NFATC2IP: variants seen among roughly 807,000 people sequenced by gnomAD.
The protein encoded by NFATC2IP is NFATC2-interacting protein.
NFATC2IP carries 25 observed loss-of-function variants against 40.2 expected under a neutral mutation model. The ratio of observed to expected loss-of-function variants is 0.62; its 90% confidence interval spans 0.45 to 0.87. The LOEUF is 0.87. NFATC2IP is among the 40% of genes least tolerant of loss of function. The pLI is 0.00. For synonymous variants in NFATC2IP, 241 were observed against 236.3 expected (o/e 1.02, Z -0.18); for missense variants, 553 against 555.6 (o/e 1.00, Z 0.05).
rs1310321236 is a variant in NFATC2IP, at chr16:28,951,372, C to A, written c.361C>A (p.Pro121Thr). ...RRLVLDPGEAPLVPVYSGKVK... is the reference protein window; with the variant it reads ...RRLVLDPGEATLVPVYSGKVK... ...GCTGGTGCTGGATCCGGGGGAGGCG[C>A]CGCTGGTTCCGGTGTACTCGGGGAA... The change falls in exon 1 of 8, where the codon CCG becomes ACG. Residue 121 changes from proline to threonine, a missense_variant. By Grantham distance (38) the Pro-to-Thr change is conservative. Transcript: ENST00000320805. The A allele has an allele frequency of 1.4e-6, 2 of 1,404,238 alleles. No individual in the cohort carries two copies. Among genetic ancestry groups the A allele is most frequent in the Non-Finnish European group, 1.8e-6 (2 of 1,081,212 alleles). The allele number at this position is 1,404,238 out of a possible 1,614,324, so 87.0% of individuals were successfully genotyped here.
Position 28,963,903 on chromosome 16 carries a change from G to C in NFATC2IP, c.*40G>C. 6.2e-7 allele frequency: 1 copy of C among 1,601,024 alleles called. No homozygotes were observed. The highest frequency in any genetic ancestry group is 1.1e-5 in the South Asian group (1 of 90,682). ...TTTGACGGCCCAGCCTGGACTTGGG[G>C]AGAATGACTTTCCCTTTTTTGCCCC... On this transcript the variant is annotated 3_prime_UTR_variant, in exon 8 of 8. Coordinates refer to ENST00000320805, the MANE Select transcript of NFATC2IP (RefSeq NM_032815.4).
intron 5 of NFATC2IP, among the ~76,000 whole-genome samples, chr16:28,958,209 G>A (rs540834548): frequency 1.3e-5 from 2 of 152,142 alleles, no homozygotes; most frequent in East Asian, 3.9e-4. Context: ...CTGTAGTTTG[G>A]GAGGCCGAGG....
Position 28,956,068 on chromosome 16 carries a change from G to A in NFATC2IP, c.659+10G>A. 1 of 1,613,900 alleles carries A rather than the reference G, an allele frequency of 6.2e-7. No homozygotes were observed. On this transcript the variant is annotated intron_variant, in intron 4 of 7. Transcript: ENST00000320805. ...CACTCAAGAAGTTAAGGTGCCAAGT[G>A]CAGGGGCTCTGGCTGGGATGGAAGA... is the stretch of plus-strand genomic sequence containing the variant.
In NFATC2IP at chr16:28,951,204, C is replaced by T. The variant is rs1281650418; in HGVS notation, c.193C>T (p.Arg65Cys). The change falls in exon 1 of 8, where the codon CGC becomes TGC. Residue 65 changes from arginine (R) to cysteine (C), a missense_variant. Transcript: ENST00000320805. Reference protein sequence around the residue: ...DEEILEVATARGAADEVEVEP... With the variant: ...DEEILEVATACGAADEVEVEP... Reference sequence around the variant, plus strand: ...GGAAATTCTGGAGGTCGCCACCGCTCGCGGTGCCGCGGACGAGGTTGAGGT... The same window carrying T: ...GGAAATTCTGGAGGTCGCCACCGCTTGCGGTGCCGCGGACGAGGTTGAGGT... The T allele has an allele frequency of 5.9e-6, 9 of 1,535,944 alleles. No homozygotes were observed. The highest frequency in any genetic ancestry group is 7.9e-6 in the Non-Finnish European group (9 of 1,139,036).
At chr16:28,954,708 C>T in intron 3 of NFATC2IP, 26 bp downstream of exon 3, 2 of 1,496,050 alleles carry the variant, frequency 1.3e-6, no homozygotes, top group Non-Finnish European at 1.9e-6. Context: ...GCCCTTGGGC[C>T]CTGGGAGCAG....
rs1965016845 is a variant in NFATC2IP, at chr16:28,955,987, C to A, written c.588C>A (p.Asp196Glu). Residue 196 changes from aspartate (D) to glutamate (E), a missense_variant, in exon 4 of 8, where the codon GAC becomes GAA. By Grantham distance (45) the Asp-to-Glu change is conservative. Transcript: ENST00000320805. ...TCTCTTGCTTCTACAGGGATCTGGACAACTCTCCTCTGTCCCCACCTTCAC... is the reference window on the plus strand; with the variant it reads ...TCTCTTGCTTCTACAGGGATCTGGAAAACTCTCCTCTGTCCCCACCTTCAC... Reference protein sequence around the residue: ...EKKKTEFLDLDNSPLSPPSPR... With the variant: ...EKKKTEFLDLENSPLSPPSPR... The A allele has an allele frequency of 6.2e-7, 1 of 1,613,686 alleles. No individual in the cohort carries two copies. The highest frequency in any genetic ancestry group is 1.3e-5 in the African/African-American group (1 of 74,904).
intron 7 of NFATC2IP, among the ~76,000 whole-genome samples, chr16:28,962,954 TGGGTG>T (rs1965103030): frequency 6.6e-6 from 1 of 152,110 alleles, no homozygotes; most frequent in African/African-American, 2.4e-5. Flanking sequence ...GAGGCCAAAG[TGGGTG>T]GCTTATCTGA....
Position 28,965,676 on chromosome 16 carries a change from A to G in NFATC2IP, c.*1813A>G, listed in dbSNP as rs141199395. On this transcript the variant is annotated 3_prime_UTR_variant, in exon 8 of 8. Coordinates refer to ENST00000320805, the MANE Select transcript of NFATC2IP (RefSeq NM_032815.4). The stretch of plus-strand genomic sequence containing the variant: ...CCACTGCACTCCAGCCTGGCGACAG[A>G]GCAAGGCTCCACTCAAAAAAAAGAT... The G allele has an allele frequency of 6.6e-6, 1 of 151,862 alleles. No individual in the cohort carries two copies. The highest frequency in any genetic ancestry group is 2.4e-5 in the African/African-American group (1 of 41,286). 9.4% of individuals were successfully genotyped at this position (151,862 alleles called of 1,614,324 possible).
At chr16:28,963,366 C>A (rs1380104151) in intron 7 of NFATC2IP, among the ~76,000 whole-genome samples, 1 of 152,144 alleles carries the variant, frequency 6.6e-6, no homozygotes, top group Non-Finnish European at 1.5e-5. Context: ...TCTGGGCTCT[C>A]TTAGTCATTG....
chr16:28,964,253 G>A lies in NFATC2IP; in HGVS notation c.*390G>A, dbSNP rs1965120064. On this transcript the variant is annotated 3_prime_UTR_variant, in exon 8 of 8. Coordinates refer to ENST00000320805, the MANE Select transcript of NFATC2IP (RefSeq NM_032815.4). ...GGGTTGGGTAGGAGCTTCCAGGCCT[G>A]GGATTTACACCACGCCTAGCCCAGC... 1 of 193,176 alleles carries A rather than the reference G, an allele frequency of 5.2e-6. No homozygotes were observed. Among genetic ancestry groups the A allele is most frequent in the African/African-American group, 2.3e-5 (1 of 43,370 alleles). The allele number at this position is 193,176 out of a possible 1,614,324, so 12.0% of individuals were successfully genotyped here.
rs1567511428 is a variant in NFATC2IP at position 28,951,216 on chromosome 16, G to C, written c.205G>C (p.Asp69His). 6.5e-7 allele frequency: 1 copy of C among 1,534,962 alleles called. No individual in the cohort carries two copies. The change falls in exon 1 of 8, where the codon GAC becomes CAC. Residue 69 changes from aspartate (D) to histidine (H), a missense_variant. Asp to His is a moderately conservative substitution (Grantham distance 81). Transcript: ENST00000320805. ...LEVATARGAA[D>H]EVEVEPPEPP... ...GGTCGCCACCGCTCGCGGTGCCGCG[G>C]ACGAGGTTGAGGTGGAGCCCCCGGA...
rs1237559485 is a variant in NFATC2IP at position 28,963,775 on chromosome 16, T to G, written c.1172T>G (p.Phe391Cys). 6.2e-7 allele frequency: 1 copy of G among 1,613,962 alleles called. No individual in the cohort carries two copies. The highest frequency in any genetic ancestry group is 8.5e-7 in the Non-Finnish European group (1 of 1,179,912). Residue 391 changes from phenylalanine (F) to cysteine (C), a missense_variant, in exon 8 of 8, where the codon TTC (phenylalanine) becomes TGC (cysteine). Physicochemically the swap from Phe to Cys is radical, Grantham distance 205. Transcript: ENST00000320805. ...AMGLSGRKLS[F>C]FFDGTKLSGR... ...GGACTGTCGGGACGGAAGCTCTCCTTCTTCTTTGATGGGACAAAGCTTTCA... is the reference window on the plus strand; with the variant it reads ...GGACTGTCGGGACGGAAGCTCTCCTGCTTCTTTGATGGGACAAAGCTTTCA...
chr16:28,959,150 C>CTCTTG (rs759599299), intron 7 of NFATC2IP, 50 bp downstream of exon 7: 166 of 1,070,970 alleles, frequency 1.5e-4, no homozygotes, highest in Middle Eastern at 4.3e-4. Flanking sequence ...CCTCTGCTGC[C>CTCTTG]TCTTGTCTCT....
intron 3 of NFATC2IP, 95 bp downstream of exon 3, chr16:28,954,777 T>TTAAG (rs1207973415): frequency 1.4e-6 from 1 of 720,910 alleles, no homozygotes. Context: ...TCCTGAAAGG[T>TTAAG]TAAGAAGAAG....
chr16:28,963,327 C>T (rs920931948), intron 7 of NFATC2IP, among the ~76,000 whole-genome samples: 2 of 152,156 alleles, frequency 1.3e-5, no homozygotes, highest in African/African-American at 4.8e-5. Flanking sequence ...AGAGCCTGGC[C>T]TCCAGCTCGA....
intron 7 of NFATC2IP, among the ~76,000 whole-genome samples, chr16:28,960,153 G>C (rs1465101836): frequency 1.3e-5 from 2 of 152,072 alleles, no homozygotes; most frequent in African/African-American, 4.8e-5. Flanking sequence ...TCTCTTCTTG[G>C]AAAGACATAG....
chr16:28,954,476 C>T, intron 2 of NFATC2IP, 89 bp from the exon 3 acceptor site: 1 of 802,628 alleles, frequency 1.2e-6, no homozygotes, highest in Non-Finnish European at 2.1e-6. Flanking sequence ...TTTCCTAGGA[C>T]CTTCTTGAAG....
At position 28,966,168 on chromosome 16, in the gene NFATC2IP, C is replaced by T. The variant is rs1965143981; in HGVS notation, c.*2305C>T. On this transcript the variant is annotated 3_prime_UTR_variant, in exon 8 of 8. Coordinates refer to ENST00000320805, the MANE Select transcript of NFATC2IP (RefSeq NM_032815.4). ...TTGTTAAGATATTTTACATCTTCTC[C>T]TGTTAGCTGTTCAGCTTTTCCTTTC... 1 of 152,140 alleles carries T rather than the reference C, an allele frequency of 6.6e-6. No individual in the cohort carries two copies. Among genetic ancestry groups the T allele is most frequent in the African/African-American group, 2.4e-5 (1 of 41,414 alleles). 9.4% of individuals were successfully genotyped at this position (152,140 alleles called of 1,614,324 possible).
At chr16:28,959,428 G>A (rs904666163) in intron 7 of NFATC2IP, among the ~76,000 whole-genome samples, 11 of 152,190 alleles carry the variant, frequency 7.2e-5, no homozygotes, top group Admixed American at 5.9e-4. Context: ...GCTAGTCCCC[G>A]TGCTGAGGAT....
Sources: gnomAD v4.1 joint callset for allele counts (sites outside exome capture counted in the v4.1 genomes callset) on GRCh38, gnomAD v4.1.1 for gene constraint, MANE v1.5 for transcripts, NCBI Gene and HGNC (gene_info 2026-07-23, HGNC 2026-07-21) for gene names.